Variants in NRG3 observed in about 807,000 individuals in gnomAD.
NRG3 encodes neuregulin 3, also known as pro-neuregulin-3, membrane-bound isoform.
Under a neutral mutation model 66.9 loss-of-function variants are expected in NRG3, and 31 were observed. The ratio of observed to expected loss-of-function variants is 0.46; its 90% confidence interval spans 0.35 to 0.63. NRG3 has a LOEUF of 0.63. Among genes scored for constraint, NRG3 ranks in the 20% least tolerant of loss-of-function variants. NRG3 has a pLI of 0.00. For synonymous variants in NRG3, 393 were observed against 359.4 expected (o/e 1.09, Z -1.06); for missense variants, 910 against 878.9 (o/e 1.04, Z -0.45).
At chr10:82,869,526 T>G (rs1841083902) in intron 4 of NRG3, among the ~76,000 whole-genome samples, 1 of 151,994 alleles carries the variant, frequency 6.6e-6, no homozygotes, top group Non-Finnish European at 1.5e-5. Context: ...TTTGTGTTCT[T>G]TCTAGTCATC....
At chr10:82,101,351 T>A (rs1019469959) in intron 1 of NRG3, among the ~76,000 whole-genome samples, 3 of 151,870 alleles carry the variant, frequency 2.0e-5, no homozygotes, top group African/African-American at 7.2e-5. Context: ...ACCATTGATA[T>A]GTTTATTATG....
intron 3 of NRG3, among the ~76,000 whole-genome samples, chr10:82,798,377 T>C (rs1163139590): frequency 6.6e-6 from 1 of 152,162 alleles, no homozygotes; most frequent in African/African-American, 2.4e-5. Context: ...CTTACACAAA[T>C]CTATACAGCA....
chr10:82,223,674 C>CACACACACACAT (rs1554853410), intron 1 of NRG3, among the ~76,000 whole-genome samples: 5 of 151,394 alleles, frequency 3.3e-5, no homozygotes, highest in African/African-American at 1.2e-4. Flanking sequence ...CACACACACA[C>CACACACACACAT]ACACACACAT....
At chr10:82,497,885 C>T (rs1843761807) in intron 2 of NRG3, among the ~76,000 whole-genome samples, 1 of 152,162 alleles carries the variant, frequency 6.6e-6, no homozygotes, top group African/African-American at 2.4e-5. Context: ...TTTTTCTTCA[C>T]ATTCTCACCA....
chr10:82,159,921 T>C (rs536177551), intron 1 of NRG3, among the ~76,000 whole-genome samples: 4 of 151,940 alleles, frequency 2.6e-5, no homozygotes, highest in African/African-American at 9.7e-5. Context: ...AGTCCTGGAA[T>C]GAATGGAGCA....
At chr10:82,580,191 T>C (rs2046273270) in intron 2 of NRG3, among the ~76,000 whole-genome samples, 1 of 151,980 alleles carries the variant, frequency 6.6e-6, no homozygotes, top group Non-Finnish European at 1.5e-5. Flanking sequence ...ATAAAATCTG[T>C]AGATATGAAA....
intron 2 of NRG3, among the ~76,000 whole-genome samples, chr10:82,713,886 A>G (rs1208876860): frequency 6.6e-6 from 1 of 152,120 alleles, no homozygotes; most frequent in Non-Finnish European, 1.5e-5. Context: ...TGCTGCCACA[A>G]AACAGTAGTC....
chr10:81,905,976 T>C (rs919698409), intron 1 of NRG3, among the ~76,000 whole-genome samples: 1 of 152,224 alleles, frequency 6.6e-6, no homozygotes, highest in Non-Finnish European at 1.5e-5. Context: ...GTCATGTTTC[T>C]TTTTAAAGAC....
chr10:82,068,180 G>T (rs1022398798), intron 1 of NRG3, among the ~76,000 whole-genome samples: 1 of 152,174 alleles, frequency 6.6e-6, no homozygotes, highest in African/African-American at 2.4e-5. Flanking sequence ...AGCTTTGAGG[G>T]AATTGCAGGA....
At chr10:82,677,867 G>T (rs2053829329) in intron 2 of NRG3, among the ~76,000 whole-genome samples, 1 of 152,162 alleles carries the variant, frequency 6.6e-6, no homozygotes, top group African/African-American at 2.4e-5. Context: ...TTTGTATGTT[G>T]CATGATTTGG....
intron 1 of NRG3, among the ~76,000 whole-genome samples, chr10:81,891,925 C>T (rs1339105711): frequency 3.3e-5 from 5 of 152,104 alleles, no homozygotes; most frequent in South Asian, 2.1e-4. Flanking sequence ...TTCTCTGGCT[C>T]GCTCTCTCCC....
chr10:82,720,817 AT>A (rs2057265444), intron 2 of NRG3, among the ~76,000 whole-genome samples: 1 of 28,478 alleles, frequency 3.5e-5, no homozygotes, highest in East Asian at 2.5e-3. Flanking sequence ...ATACATATAT[AT>A]ATATATATAT....
chr10:82,926,655 G>C (rs929774369), intron 4 of NRG3, among the ~76,000 whole-genome samples: 2 of 152,152 alleles, frequency 1.3e-5, no homozygotes, highest in Non-Finnish European at 2.9e-5. Flanking sequence ...TGTGTGTTAA[G>C]CTCATTTGAT....
intron 1 of NRG3, among the ~76,000 whole-genome samples, chr10:82,233,140 G>C (rs375894847): frequency 6.6e-6 from 1 of 152,132 alleles, no homozygotes; most frequent in African/African-American, 2.4e-5. Flanking sequence ...CGAGGCAGGC[G>C]GATCACGAGG....
intron 2 of NRG3, among the ~76,000 whole-genome samples, chr10:82,390,725 A>G (rs2086302948): frequency 6.6e-6 from 1 of 152,190 alleles, no homozygotes; most frequent in South Asian, 2.1e-4. Flanking sequence ...AAAAAGAGGA[A>G]TTCATCTACT....
intron 1 of NRG3, among the ~76,000 whole-genome samples, chr10:82,322,709 T>C (rs1409454459): frequency 6.6e-6 from 1 of 152,194 alleles, no homozygotes; most frequent in Non-Finnish European, 1.5e-5. Context: ...GTACTACTTA[T>C]AACAGAATCA....
chr10:82,093,744 C>T (rs2066168597), intron 1 of NRG3, among the ~76,000 whole-genome samples: 2 of 152,154 alleles, frequency 1.3e-5, no homozygotes, highest in South Asian at 2.1e-4. Flanking sequence ...TTCAATAGAA[C>T]ATTTTAATAC....
chr10:82,952,149 G>T (rs185752348), intron 5 of NRG3, among the ~76,000 whole-genome samples: 31 of 152,208 alleles, frequency 2.0e-4, no homozygotes, highest in Admixed American at 9.2e-4. Flanking sequence ...AGAAATAGAT[G>T]TAGGCCAGGT....
chr10:82,044,542 A>C (rs543311910), intron 1 of NRG3, among the ~76,000 whole-genome samples: 19 of 152,000 alleles, frequency 1.3e-4, no homozygotes, highest in Non-Finnish European at 2.5e-4. Flanking sequence ...TTTTTCCCCC[A>C]TTAACATCAT....
Sources: allele counts gnomAD v4.1 joint callset (sites outside exome capture counted in the v4.1 genomes callset), GRCh38; gene constraint gnomAD v4.1.1; transcripts MANE v1.5; gene names NCBI Gene and HGNC (gene_info 2026-07-23, HGNC 2026-07-21).